The following EIF4E3 variants were observed in gnomAD, a reference collection of about 807,000 sequenced individuals.
The protein encoded by EIF4E3 is eukaryotic translation initiation factor 4E family member 3, also known as eukaryotic translation initiation factor 4E type 3.
Under a neutral mutation model 31.7 loss-of-function variants are expected in EIF4E3, and 26 were observed. The observed-to-expected ratio is 0.82, with a 90% CI of 0.60 to 1.14. The LOEUF (loss-of-function observed/expected upper bound fraction) is 1.14, where lower values mean the gene tolerates loss of function less well. Ranked by LOEUF, EIF4E3 falls within the 50% of genes most tolerant of loss-of-function variation. The pLI, the probability that EIF4E3 is intolerant of heterozygous loss-of-function variation, is 0.00. For synonymous variants in EIF4E3, 128 were observed against 107.7 expected (o/e 1.19, Z -1.17); for missense variants, 304 against 270.9 (o/e 1.12, Z -0.86).
In EIF4E3 at chr3:71,691,523, T is replaced by C. The variant is rs142475166; in HGVS notation, c.473-1358A>G. On this transcript the variant is annotated intron_variant, in intron 5 of 6. Coordinates refer to ENST00000425534, the MANE Select transcript of EIF4E3 (RefSeq NM_001134651.2). ...TACTCAAAACCAGGGAAAATTAGCCTATAATGTTAGAAGTTAGACTGGAGG... is the reference window on the plus strand; with the variant it reads ...TACTCAAAACCAGGGAAAATTAGCCCATAATGTTAGAAGTTAGACTGGAGG... Among the ~76,000 whole-genome samples, 803 of 152,276 alleles carry C rather than the reference T, an allele frequency of 5.3e-3. 6 individuals carry two copies. Among genetic ancestry groups the C allele is most frequent in the South Asian group, 0.029 (138 of 4,826 alleles).
Position 71,720,438 on chromosome 3 carries a change from TC to T in EIF4E3, c.176+4753del, listed in dbSNP as rs1455909524. ...TCAAACTCCTGGCCTCAAGAGATCC[TC>T]CCTCCTCAGCCTCCTAAAGTACTGT... On this transcript the variant is annotated intron_variant, in intron 1 of 6. Transcript: ENST00000425534. Among the ~76,000 whole-genome samples the T allele has an allele frequency of 8.5e-5, 13 of 152,054 alleles. No individual in the cohort carries two copies. The East Asian group carries it at 1.9e-3, about 23-fold the overall frequency.
At chr3:71,686,147 G>A (rs1460297678) in intron 6 of EIF4E3, among the ~76,000 whole-genome samples, 5 of 151,954 alleles carry the variant, frequency 3.3e-5, no homozygotes, top group Admixed American at 1.3e-4. Context: ...CACCATGCCC[G>A]GCTAACTTTT....
At chr3:71,695,992 C>T (rs1045501941) in intron 4 of EIF4E3, among the ~76,000 whole-genome samples, 5 of 152,186 alleles carry the variant, frequency 3.3e-5, no homozygotes, top group African/African-American at 1.2e-4. Flanking sequence ...CATAGTCTCT[C>T]ATGAAACCCC....
chr3:71,721,296 C>T (rs944746238), intron 1 of EIF4E3, among the ~76,000 whole-genome samples: 3 of 152,156 alleles, frequency 2.0e-5, no homozygotes, highest in African/African-American at 7.2e-5. Context: ...AAGGACAAGG[C>T]ATCCGGGACG....
the EIF4E3 span, among the ~76,000 whole-genome samples, chr3:71,669,239 C>T: frequency 1.4e-4 from 9 of 62,914 alleles, no homozygotes; most frequent in East Asian, 4.3e-4. Flanking sequence ...TATCACACAC[C>T]GGGGCCTGTT....
chr3:71,754,383 C>A, upstream of EIF4E3: 1 of 1,344,438 alleles, frequency 7.4e-7, no homozygotes, highest in Non-Finnish European at 9.6e-7. The surrounding 1 kb of genome is among the most constrained non-coding windows in gnomAD (Gnocchi z 5.8). Flanking sequence ...CGCCGCCTTC[C>A]TGCTGCTGGG....
At chr3:71,713,251 T>G (rs2049410414) in intron 1 of EIF4E3, among the ~76,000 whole-genome samples, 1 of 152,322 alleles carries the variant, frequency 6.6e-6, no homozygotes, top group East Asian at 1.9e-4. Flanking sequence ...GTTTGGGAAC[T>G]TGCCCATAGC....
upstream of EIF4E3, among the ~76,000 whole-genome samples, chr3:71,727,392 A>C (rs946965829): frequency 6.6e-6 from 1 of 152,226 alleles, no homozygotes; most frequent in African/African-American, 2.4e-5. Flanking sequence ...ATATCCTTGA[A>C]GATTTTTCCA....
chr3:71,736,521 T>G (rs1327269170), intron 1 of EIF4E3, among the ~76,000 whole-genome samples: 1 of 152,230 alleles, frequency 6.6e-6, no homozygotes, highest in Non-Finnish European at 1.5e-5. Flanking sequence ...GAAACTTTAA[T>G]GCATATTACT....
the EIF4E3 span, among the ~76,000 whole-genome samples, chr3:71,666,807 C>T: frequency 6.6e-6 from 1 of 152,078 alleles, no homozygotes; most frequent in African/African-American, 2.4e-5. Flanking sequence ...GGCATGGTGG[C>T]GCACACCTGT....
chr3:71,703,811 C>CCA lies in EIF4E3; in HGVS notation c.250-4104_250-4103insTG, dbSNP rs2049251940. 8.3e-5 allele frequency among the ~76,000 whole-genome samples: 6 copies of CCA among 72,430 alleles called. No homozygotes were observed. The South Asian group carries it at 3.3e-3, about 40-fold the overall frequency. 47.5% of individuals were successfully genotyped at this position (72,430 alleles called of 152,430 possible). ...ACAAAACCACCCAGCAAACACACAT[C>CCA]AAAAAAAAAAAAAAAAAAAAAAAAT... On this transcript the variant is annotated intron_variant, in intron 2 of 6. Coordinates refer to ENST00000425534, the MANE Select transcript of EIF4E3 (RefSeq NM_001134651.2).
the EIF4E3 span, among the ~76,000 whole-genome samples, chr3:71,663,705 A>T: frequency 6.6e-6 from 1 of 152,198 alleles, no homozygotes; most frequent in African/African-American, 2.4e-5. Flanking sequence ...TTACCGGGAG[A>T]CGTCCCGCCT....
At chr3:71,733,222 C>T (rs1328717806) in intron 1 of EIF4E3, among the ~76,000 whole-genome samples, 2 of 152,132 alleles carry the variant, frequency 1.3e-5, no homozygotes, top group Non-Finnish European at 2.9e-5. Flanking sequence ...GGAGCGGGTC[C>T]TGGAGCACTG....
intron 2 of EIF4E3, among the ~76,000 whole-genome samples, chr3:71,708,836 G>C (rs994938699): frequency 6.6e-6 from 1 of 152,160 alleles, no homozygotes; most frequent in Non-Finnish European, 1.5e-5. Flanking sequence ...TTAGCGCGTT[G>C]ATTTCTCTGG....
At chr3:71,674,316 G>A (rs778566588), downstream of EIF4E3, among the ~76,000 whole-genome samples, 15 of 151,286 alleles carry the variant, frequency 9.9e-5, no homozygotes, top group Non-Finnish European at 1.6e-4. Context: ...CATGTTGGCC[G>A]GGCTGGTCTT....
At chr3:71,715,898 T>C (rs989950793) in intron 1 of EIF4E3, among the ~76,000 whole-genome samples, 1 of 152,236 alleles carries the variant, frequency 6.6e-6, no homozygotes, top group Non-Finnish European at 1.5e-5. Flanking sequence ...AACTTGTTTT[T>C]AAGTAGCAGG....
chr3:71,665,769 C>A, the EIF4E3 span, among the ~76,000 whole-genome samples: 4 of 152,340 alleles, frequency 2.6e-5, no homozygotes, highest in African/African-American at 9.6e-5. Context: ...ACAGTGCAAT[C>A]AAATTAGATC....
chr3:71,666,320 T>C, the EIF4E3 span, among the ~76,000 whole-genome samples: 1 of 152,118 alleles, frequency 6.6e-6, no homozygotes, highest in Non-Finnish European at 1.5e-5. Context: ...TAAACACCTC[T>C]ATGCAAATAA....
intron 1 of EIF4E3, among the ~76,000 whole-genome samples, chr3:71,735,351 A>G (rs1471739303): frequency 6.6e-6 from 1 of 152,230 alleles, no homozygotes; most frequent in Non-Finnish European, 1.5e-5. Context: ...AATGAATCCT[A>G]TGATATAAAT....
Sources: gnomAD v4.1 joint callset for allele counts (sites outside exome capture counted in the v4.1 genomes callset) on GRCh38, gnomAD v4.1.1 for gene constraint, Gnocchi (gnomAD v3.1) non-coding constraint, MANE v1.5 for transcripts, NCBI Gene and HGNC (gene_info 2026-07-23, HGNC 2026-07-21) for gene names.